The following PTH2R variants were observed in gnomAD, a reference collection of about 807,000 sequenced individuals.
PTH2R encodes the protein PTH2 receptor.
A neutral mutation model predicts 60.3 loss-of-function variants in PTH2R; 59 were observed. The ratio of observed to expected loss-of-function variants is 0.98; its 90% confidence interval spans 0.79 to 1.22. PTH2R has a LOEUF of 1.22. Ranked by LOEUF, PTH2R falls within the 50% of genes most tolerant of loss-of-function variation. The pLI, the probability that PTH2R is intolerant of heterozygous loss-of-function variation, is 0.00. For missense variants in PTH2R, 749 were observed against 682.6 expected, an observed-to-expected ratio of 1.10 and a Z score of -1.08; for synonymous variants, 256 against 243.8, an observed-to-expected ratio of 1.05 and a Z score of -0.47.
intron 7 of PTH2R, among the ~76,000 whole-genome samples, chr2:208,450,100 T>C (rs1345336164): frequency 2.0e-5 from 3 of 152,196 alleles, no homozygotes; most frequent in Admixed American, 1.3e-4. Context: ...CGAAAGTCGG[T>C]ATAATGGATT....
intron 9 of PTH2R, among the ~76,000 whole-genome samples, chr2:208,471,715 G>A (rs769000117): frequency 8.5e-5 from 13 of 152,238 alleles, no homozygotes; most frequent in African/African-American, 1.9e-4. Context: ...CCCTAATGGG[G>A]CACTGCCTAG....
intron 10 of PTH2R, among the ~76,000 whole-genome samples, chr2:208,483,569 C>T (rs1186788866): frequency 2.0e-5 from 3 of 152,112 alleles, no homozygotes; most frequent in Non-Finnish European, 4.4e-5. Flanking sequence ...TGAATTAATT[C>T]ATGGAGGATT....
At chr2:208,449,405 T>C (rs1055530151) in intron 7 of PTH2R, among the ~76,000 whole-genome samples, 5 of 151,478 alleles carry the variant, frequency 3.3e-5, no homozygotes, top group Admixed American at 3.3e-4. Context: ...CTTTGACACA[T>C]AAATAGACAA....
intron 11 of PTH2R, 125 bp downstream of exon 11, chr2:208,489,275 G>C (rs939277163): frequency 3.3e-6 from 4 of 1,198,614 alleles, no homozygotes; most frequent in Non-Finnish European, 4.6e-6. Context: ...GTTGGGGGGT[G>C]CAGAAAGGTC....
At chr2:208,451,041 A>G (rs1350905035) in intron 8 of PTH2R, among the ~76,000 whole-genome samples, 1 of 152,148 alleles carries the variant, frequency 6.6e-6, no homozygotes, top group Non-Finnish European at 1.5e-5. Context: ...TGACCTCCAT[A>G]GATTAAGAAA....
At chr2:208,384,803 C>G (rs965248823) in intron 1 of PTH2R, among the ~76,000 whole-genome samples, 2 of 152,148 alleles carry the variant, frequency 1.3e-5, no homozygotes, top group African/African-American at 4.8e-5. Flanking sequence ...AATGCCTGAC[C>G]TGGTTCAGAG....
chr2:208,442,456 C>T lies in PTH2R; in HGVS notation c.504C>T (p.Tyr168=), dbSNP rs765729460. The change falls in exon 5 of 13, where the codon TAC becomes TAT. Residue 168 remains tyrosine, a synonymous_variant. Transcript: ENST00000272847. ...CTGTGGCTATTCTCATCATTGGTTA[C>T]TTCAGGTGAGTGATGCCCATCACTT... ...SLAVAILIIG[Y]FRRLHCTRNY... 7 of 1,602,254 alleles carry T rather than the reference C, an allele frequency of 4.4e-6. No homozygotes were observed. Among genetic ancestry groups the T allele is most frequent in the Non-Finnish European group, 6.0e-6 (7 of 1,169,250 alleles).
chr2:208,376,921 G>T (rs1259525642), intron 1 of PTH2R, among the ~76,000 whole-genome samples: 1 of 151,786 alleles, frequency 6.6e-6, no homozygotes, highest in Middle Eastern at 3.4e-3. Context: ...TTCTCGCAGA[G>T]GGGGATTTGG....
chr2:208,411,814 A>G (rs1288038867), intron 1 of PTH2R, among the ~76,000 whole-genome samples: 1 of 152,200 alleles, frequency 6.6e-6, no homozygotes, highest in Non-Finnish European at 1.5e-5. Flanking sequence ...GGACTTACTC[A>G]TAGAATAAGC....
intron 6 of PTH2R, 147 bp downstream of exon 6, chr2:208,443,684 C>A: frequency 1.6e-6 from 1 of 623,668 alleles, no homozygotes; most frequent in Non-Finnish European, 2.5e-6. Context: ...GTGATGTTTT[C>A]TCCCTCAATT....
At chr2:208,450,670 C>G in intron 7 of PTH2R, 79 bp from the exon 8 acceptor site, 1 of 1,386,198 alleles carries the variant, frequency 7.2e-7, no homozygotes, top group Non-Finnish European at 1.0e-6. Flanking sequence ...ATAGTATATT[C>G]TTATATATGG....
chr2:208,387,149 A>C (rs2125879922), intron 1 of PTH2R, among the ~76,000 whole-genome samples: 1 of 152,276 alleles, frequency 6.6e-6, no homozygotes, highest in South Asian at 2.1e-4. Context: ...CCATAATTGT[A>C]TGTGTGCAGA....
At chr2:208,373,613 AT>A (rs940726338) in intron 1 of PTH2R, among the ~76,000 whole-genome samples, 2 of 152,050 alleles carry the variant, frequency 1.3e-5, no homozygotes, top group African/African-American at 4.8e-5. Flanking sequence ...TTGCAGGGAG[AT>A]TGCTGGAGTC....
intron 10 of PTH2R, among the ~76,000 whole-genome samples, chr2:208,482,283 G>A (rs1351897320): frequency 2.6e-5 from 4 of 152,104 alleles, no homozygotes; most frequent in Non-Finnish European, 5.9e-5. Flanking sequence ...CAGGCGGATC[G>A]GCAGGTTGAG....
chr2:208,470,177 T>C (rs898067843), intron 9 of PTH2R, among the ~76,000 whole-genome samples: 2 of 152,192 alleles, frequency 1.3e-5, no homozygotes, highest in African/African-American at 4.8e-5. Context: ...TATATGGTAC[T>C]AGCAGAAACC....
At chr2:208,377,004 G>A (rs967160075) in intron 1 of PTH2R, among the ~76,000 whole-genome samples, 1 of 151,944 alleles carries the variant, frequency 6.6e-6, no homozygotes, top group African/African-American at 2.4e-5. Context: ...GTTTTCCTAG[G>A]CAGAGGACCC....
chr2:208,419,350 G>A (rs577023186), intron 1 of PTH2R, among the ~76,000 whole-genome samples: 7 of 152,214 alleles, frequency 4.6e-5, no homozygotes, highest in East Asian at 3.9e-4. Context: ...CATGTGCTTC[G>A]CCCACTTTTT....
chr2:208,427,673 CACA>C (rs752821528), intron 1 of PTH2R, among the ~76,000 whole-genome samples: 129 of 152,052 alleles, frequency 8.5e-4, no homozygotes, highest in Non-Finnish European at 1.6e-3. Flanking sequence ...TATTTTAAAT[CACA>C]ACAATATTTT....
intron 1 of PTH2R, among the ~76,000 whole-genome samples, chr2:208,398,895 A>G (rs982483525): frequency 6.6e-6 from 1 of 152,224 alleles, no homozygotes; most frequent in Non-Finnish European, 1.5e-5. Context: ...CCAGGCACAA[A>G]TAAAACAGTC....
Sources: gnomAD v4.1 joint callset for allele counts (sites outside exome capture counted in the v4.1 genomes callset) on GRCh38, gnomAD v4.1.1 for gene constraint, MANE v1.5 for transcripts, NCBI Gene and HGNC (gene_info 2026-07-23, HGNC 2026-07-21) for gene names.